Variants in ZC3H12B observed in about 807,000 individuals in gnomAD.
ZC3H12B encodes the protein probable ribonuclease ZC3H12B.
A neutral mutation model predicts 43.9 loss-of-function variants in ZC3H12B; 7 were observed. That is an observed-to-expected ratio of 0.16 (90% confidence interval 0.09 to 0.30). The LOEUF (loss-of-function observed/expected upper bound fraction) is 0.30. Among genes scored for constraint, ZC3H12B ranks in the 10% least tolerant of loss-of-function variants. The probability of loss-of-function intolerance (pLI) is 1.00; values close to 1 mark genes in which losing one functional copy is unlikely to be tolerated. For synonymous variants in ZC3H12B, 222 were observed against 241.7 expected (o/e 0.92, Z 0.76); for missense variants, 475 against 670.2 (o/e 0.71, Z 3.22).
At chrX:65,401,629 A>G (rs1313769484) in intron 3 of ZC3H12B, among the ~76,000 whole-genome samples, 2 of 111,957 alleles carry the variant, frequency 1.8e-5, no homozygotes, top group Non-Finnish European at 3.8e-5. Context: ...TGAAATCACC[A>G]CATTTCTAAC....
At chrX:65,358,743 AATCGACACC>A in the ZC3H12B span, among the ~76,000 whole-genome samples, 2 of 111,674 alleles carry the variant, frequency 1.8e-5, no homozygotes, top group African/African-American at 6.5e-5. Flanking sequence ...AAATATCTAA[AATCGACACC>A]CTAACATCAC....
chrX:65,299,708 G>T, the ZC3H12B span, among the ~76,000 whole-genome samples: 1 of 112,294 alleles, frequency 8.9e-6, no homozygotes, highest in African/African-American at 3.2e-5. Flanking sequence ...GTGTGTGGAG[G>T]CTCCCAGTGT....
chrX:65,304,964 T>C, the ZC3H12B span, among the ~76,000 whole-genome samples: 3 of 111,510 alleles, frequency 2.7e-5, no homozygotes, highest in African/African-American at 6.5e-5. Flanking sequence ...TAAGAAGTAA[T>C]AAAAAAACCA....
the ZC3H12B span, among the ~76,000 whole-genome samples, chrX:65,207,392 C>G: frequency 3.0e-4 from 33 of 110,196 alleles, no homozygotes; most frequent in East Asian, 2.9e-3. Context: ...AATGGAAAAC[C>G]AAACATCATA....
chrX:65,255,898 A>G, the ZC3H12B span, among the ~76,000 whole-genome samples: 1 of 112,426 alleles, frequency 8.9e-6, no homozygotes, highest in Admixed American at 9.4e-5. Context: ...CTAATTTCAG[A>G]CAAAACTGAC....
At chrX:65,427,633 C>T (rs775227190) in intron 3 of ZC3H12B, among the ~76,000 whole-genome samples, 16 of 111,604 alleles carry the variant, frequency 1.4e-4, no homozygotes, top group Non-Finnish European at 2.6e-4. Flanking sequence ...CCAGCCCCAT[C>T]CCTCTATTTT....
intron 3 of ZC3H12B, among the ~76,000 whole-genome samples, chrX:65,432,891 G>A (rs755664001): frequency 6.2e-5 from 7 of 112,019 alleles, no homozygotes; most frequent in Admixed American, 9.5e-5. Context: ...AAGGTCATCA[G>A]TATAGTAGAC....
chrX:65,105,798 A>C, the ZC3H12B span, among the ~76,000 whole-genome samples: 1 of 111,020 alleles, frequency 9.0e-6, no homozygotes, highest in African/African-American at 3.3e-5. Flanking sequence ...ATAGGGAAGC[A>C]TTTTATGGGA....
chrX:65,440,600 T>G (rs1370674589), intron 3 of ZC3H12B, among the ~76,000 whole-genome samples: 1 of 112,247 alleles, frequency 8.9e-6, no homozygotes, highest in Non-Finnish European at 1.9e-5. Flanking sequence ...GCAGGAATTG[T>G]AAATGCAAAC....
the ZC3H12B span, among the ~76,000 whole-genome samples, chrX:65,135,308 G>C: frequency 9.1e-6 from 1 of 110,440 alleles, no homozygotes; most frequent in South Asian, 3.8e-4. Flanking sequence ...AACTCAAGAG[G>C]AGAAGGGAAA....
the ZC3H12B span, among the ~76,000 whole-genome samples, chrX:65,235,581 C>T: frequency 2.6e-4 from 29 of 111,166 alleles, no homozygotes; most frequent in African/African-American, 8.5e-4. Flanking sequence ...AGCTTGCATC[C>T]CAGCCTGGAT....
the ZC3H12B span, among the ~76,000 whole-genome samples, chrX:65,165,290 T>G: frequency 6.2e-5 from 7 of 112,184 alleles, no homozygotes; most frequent in African/African-American, 3.2e-5. Flanking sequence ...TACTTTAAGT[T>G]CTCAGATACA....
At chrX:65,421,682 C>A (rs758868985) in intron 3 of ZC3H12B, among the ~76,000 whole-genome samples, 1 of 112,439 alleles carries the variant, frequency 8.9e-6, no homozygotes, top group East Asian at 2.8e-4. Flanking sequence ...CAGCAACGGG[C>A]CAGGTGCGGT....
chrX:65,053,604 C>A, the ZC3H12B span, among the ~76,000 whole-genome samples: 3 of 111,536 alleles, frequency 2.7e-5, no homozygotes, highest in Non-Finnish European at 5.7e-5. Context: ...ATGATTTATA[C>A]TCCTCTGGGT....
the ZC3H12B span, among the ~76,000 whole-genome samples, chrX:65,131,106 G>A: frequency 2.7e-5 from 3 of 112,176 alleles, no homozygotes; most frequent in Non-Finnish European, 3.8e-5. Context: ...ATATTGACCT[G>A]TAATCCTTTT....
the ZC3H12B span, among the ~76,000 whole-genome samples, chrX:65,343,519 C>G: frequency 1.8e-5 from 2 of 111,935 alleles, no homozygotes; most frequent in East Asian, 5.6e-4. Context: ...ACAGTTGGTT[C>G]ACTACACACA....
intron 3 of ZC3H12B, among the ~76,000 whole-genome samples, 187 bp from the exon 9 acceptor site, chrX:65,499,696 C>T (rs2068339255): frequency 9.0e-6 from 1 of 111,381 alleles, no homozygotes; most frequent in Non-Finnish European, 1.9e-5. Context: ...GGAAAATCAT[C>T]CTTTCTATGT....
intron 3 of ZC3H12B, among the ~76,000 whole-genome samples, chrX:65,407,900 A>AGCCGGAGCAGCTGCGGGC (rs1432244418): frequency 8.8e-6 from 1 of 113,634 alleles, no homozygotes; most frequent in East Asian, 2.8e-4. Context: ...CGGGAGCGGG[A>AGCCGGAGCAGCTGCGGGC]GCCGGAGCAG....
rs1392031417 is a variant in ZC3H12B, at chrX:65,382,367, A to G, written n.295+13369A>G. Among the ~76,000 whole-genome samples the G allele has an allele frequency of 2.7e-5, 3 of 110,831 alleles. No homozygotes were observed. The East Asian group carries it at 8.4e-4, about 31-fold the overall frequency. The stretch of plus-strand genomic sequence containing the variant: ...AGACAAAAACCACATGATTATCTCA[A>G]TAGATGCAGAAAAGGCCTTTGACAA... On this transcript the variant is annotated intron_variant and non_coding_transcript_variant, in intron 2 of 5. Transcript: ENST00000617377.
Sources: gnomAD v4.1 joint callset for allele counts (sites outside exome capture counted in the v4.1 genomes callset) on GRCh38, gnomAD v4.1.1 for gene constraint, MANE v1.5 for transcripts, NCBI Gene and HGNC (gene_info 2026-07-23, HGNC 2026-07-21) for gene names.